The following CSMD1 variants were observed in gnomAD, a reference collection of about 807,000 sequenced individuals.
CSMD1 encodes CUB and Sushi multiple domains 1.
Under a neutral mutation model 417.5 loss-of-function variants are expected in CSMD1, and 213 were observed. That is an observed-to-expected ratio of 0.51 (90% CI 0.46 to 0.57). CSMD1 has a LOEUF of 0.57. Among genes scored for constraint, CSMD1 ranks in the 20% least tolerant of loss-of-function variants. CSMD1 has a pLI of 0.00. For synonymous variants in CSMD1, 2,862 were observed against 1,736.8 expected, an observed-to-expected ratio of 1.65 and a Z score of -16.11; for missense variants, 6,923 against 4,529.7, an observed-to-expected ratio of 1.53 and a Z score of -15.17.
At chr8:4,066,212 T>A (rs1434016892) in intron 3 of CSMD1, among the ~76,000 whole-genome samples, 1 of 152,240 alleles carries the variant, frequency 6.6e-6, no homozygotes, top group Non-Finnish European at 1.5e-5. Context: ...CAACTGCCAG[T>A]CATGGGCAAC....
At chr8:3,884,258 C>T (rs923608508) in intron 5 of CSMD1, among the ~76,000 whole-genome samples, 2 of 152,152 alleles carry the variant, frequency 1.3e-5, no homozygotes, top group Admixed American at 6.6e-5. Flanking sequence ...GCAAGTCTAA[C>T]CTGTCTTCAA....
intron 1 of CSMD1, among the ~76,000 whole-genome samples, chr8:4,669,765 G>C (rs185548399): frequency 7.9e-5 from 12 of 152,154 alleles, no homozygotes; most frequent in Admixed American, 1.3e-4. Context: ...CAGAGGTAGG[G>C]GGTACTGCAA....
intron 33 of CSMD1, among the ~76,000 whole-genome samples, chr8:3,196,546 T>C (rs1019520853): frequency 6.6e-6 from 1 of 152,204 alleles, no homozygotes. Context: ...GATACTCTTA[T>C]ACTTCAGGAG....
In CSMD1 at chr8:3,348,002, T is replaced by A. The variant is rs1321375103; in HGVS notation, c.3464A>T (p.Asp1155Val). 2 of 1,591,532 alleles carry A rather than the reference T, an allele frequency of 1.3e-6. No individual in the cohort carries two copies. Among genetic ancestry groups the A allele is most frequent in the Non-Finnish European group, 1.7e-6 (2 of 1,169,944 alleles). Residue 1155 changes from aspartate to valine, a missense_variant, in exon 22 of 70, where the codon GAT becomes GTT. Asp to Val is a radical substitution (Grantham distance 152). Transcript: ENST00000635120. Reference sequence around the variant, plus strand: ...GAAGATTCTTTTTACCTTTAGAGTATCTCCTTCAAACAGCTGGAAGCTTCG... The same window carrying A: ...GAAGATTCTTTTTACCTTTAGAGTAACTCCTTCAAACAGCTGGAAGCTTCG... ...RTRSFQLFEG[D>V]TLKVYDGKDS... is the part of the protein sequence containing the mutation.
intron 3 of CSMD1, among the ~76,000 whole-genome samples, chr8:4,286,135 G>A (rs957785958): frequency 1.3e-5 from 2 of 151,914 alleles, no homozygotes; most frequent in African/African-American, 4.8e-5. Flanking sequence ...CGCACATAAC[G>A]TTTTTACGTT....
chr8:3,308,368 A>G lies in CSMD1; in HGVS notation c.3767T>C (p.Leu1256Pro). The G allele has an allele frequency of 6.2e-7, 1 of 1,613,816 alleles. No homozygotes were observed. The highest frequency in any genetic ancestry group is 8.5e-7 in the Non-Finnish European group (1 of 1,179,778). Reference protein sequence around the residue: ...PGYAMHGSNTLTCLSGDRRVW... With the variant: ...PGYAMHGSNTPTCLSGDRRVW... ...TCTCCTGTCTCCACTCAAACAGGTC[A>G]GGGTGTTGCTGCCATGCATGGCGTA... Residue 1256 changes from leucine to proline, a missense_variant, in exon 24 of 70, where the codon CTG (leucine) becomes CCG (proline). Leu to Pro is a moderately conservative substitution (Grantham distance 98). Coordinates refer to ENST00000635120, the MANE Select transcript of CSMD1 (RefSeq NM_033225.6).
At chr8:4,137,560 G>C (rs1406661584) in intron 3 of CSMD1, among the ~76,000 whole-genome samples, 2 of 130,902 alleles carry the variant, frequency 1.5e-5, no homozygotes, top group African/African-American at 5.0e-5. Flanking sequence ...TTCTTTGATG[G>C]TTACAAGATT....
Position 4,344,507 on chromosome 8 carries a change from A to T in CSMD1, c.415+75446T>A, listed in dbSNP as rs1252833493. On this transcript the variant is annotated intron_variant, in intron 3 of 69. Coordinates refer to ENST00000635120, the MANE Select transcript of CSMD1 (RefSeq NM_033225.6). Reference sequence around the variant, plus strand: ...TCTCAATCTATTTTTTCATTTTCATAAAAATGATTGTCAGAAATATATATA... The same window carrying T: ...TCTCAATCTATTTTTTCATTTTCATTAAAATGATTGTCAGAAATATATATA... Among the ~76,000 whole-genome samples, 4 of 151,558 alleles carry T rather than the reference A, an allele frequency of 2.6e-5. 1 individual carries two copies. The highest frequency in any genetic ancestry group is 9.7e-5 in the African/African-American group (4 of 41,448).
intron 1 of CSMD1, among the ~76,000 whole-genome samples, chr8:4,873,636 C>T (rs1203230816): frequency 6.6e-6 from 1 of 152,082 alleles, no homozygotes; most frequent in Non-Finnish European, 1.5e-5. Context: ...AATGTTCATT[C>T]CTCCATTCAA....
intron 3 of CSMD1, among the ~76,000 whole-genome samples, chr8:4,244,331 G>T (rs1256168638): frequency 6.6e-6 from 1 of 152,224 alleles, no homozygotes; most frequent in East Asian, 1.9e-4. Flanking sequence ...AACTTTGCCT[G>T]GAGCTCCAAG....
intron 5 of CSMD1, among the ~76,000 whole-genome samples, chr8:3,990,042 C>T (rs940464445): frequency 6.6e-6 from 1 of 152,176 alleles, no homozygotes; most frequent in Non-Finnish European, 1.5e-5. Context: ...GAGAGTTAAG[C>T]AGCATTATTT....
intron 10 of CSMD1, among the ~76,000 whole-genome samples, chr8:3,505,075 G>C (rs954062263): frequency 7.9e-5 from 12 of 151,992 alleles, no homozygotes; most frequent in African/African-American, 2.4e-4. Flanking sequence ...AATTTCAGGA[G>C]AATTTCTGTA....
chr8:2,966,525 A>T (rs896271832), intron 58 of CSMD1, 45 bp downstream of exon 58: 6 of 1,561,862 alleles, frequency 3.8e-6, no homozygotes, highest in African/African-American at 1.4e-5. Flanking sequence ...AATGGAGTGA[A>T]TTTCATAGTA....
chr8:3,072,256 T>C (rs1813368220), intron 49 of CSMD1, among the ~76,000 whole-genome samples: 1 of 152,194 alleles, frequency 6.6e-6, no homozygotes, highest in Non-Finnish European at 1.5e-5. Flanking sequence ...CAATTAATGA[T>C]TTTCTCTATT....
At chr8:3,846,346 C>T (rs1172845975) in intron 5 of CSMD1, among the ~76,000 whole-genome samples, 2 of 152,100 alleles carry the variant, frequency 1.3e-5, no homozygotes, top group Non-Finnish European at 2.9e-5. Context: ...TTTACATGGT[C>T]CATAGCTGAT....
intron 3 of CSMD1, among the ~76,000 whole-genome samples, chr8:4,177,801 C>T (rs1421711115): frequency 2.6e-5 from 4 of 151,650 alleles, no homozygotes; most frequent in Admixed American, 1.3e-4. Flanking sequence ...ACTACAAACA[C>T]CTCTACGCAA....
At chr8:4,741,563 G>A (rs1471028758) in intron 1 of CSMD1, among the ~76,000 whole-genome samples, 1 of 152,142 alleles carries the variant, frequency 6.6e-6, no homozygotes, top group Admixed American at 6.5e-5. Context: ...ATGAACTGGA[G>A]GTTTTAGATC....
At chr8:3,398,918 A>G (rs778872319) in intron 16 of CSMD1, among the ~76,000 whole-genome samples, 1 of 152,190 alleles carries the variant, frequency 6.6e-6, no homozygotes, top group African/African-American at 2.4e-5. Context: ...CTCATAGGCG[A>G]TTAGTTGGTG....
chr8:4,698,703 G>C (rs915211937), intron 1 of CSMD1, among the ~76,000 whole-genome samples: 6 of 150,876 alleles, frequency 4.0e-5, no homozygotes, highest in African/African-American at 1.5e-4. Flanking sequence ...GTACGGGGGA[G>C]CATTTTCCTT....
Sources: allele counts gnomAD v4.1 joint callset (sites outside exome capture counted in the v4.1 genomes callset), GRCh38; gene constraint gnomAD v4.1.1; transcripts MANE v1.5; gene names NCBI Gene and HGNC (gene_info 2026-07-23, HGNC 2026-07-21).